PCLO: variants seen among roughly 807,000 people sequenced by gnomAD.
PCLO encodes the protein piccolo presynaptic cytomatrix protein.
A neutral mutation model predicts 427.5 loss-of-function variants in PCLO; 82 were observed. The observed-to-expected ratio is 0.19, with a 90% CI of 0.16 to 0.23. PCLO has a LOEUF of 0.23. Among genes scored for constraint, PCLO ranks in the 10% least tolerant of loss-of-function variants. The pLI, the probability that PCLO is intolerant of heterozygous loss-of-function variation, is 1.00. For missense variants in PCLO, 6,239 were observed against 6,115.9 expected (o/e 1.02, Z -0.67); for synonymous variants, 2,357 against 2,155.4 (o/e 1.09, Z -2.59).
chr7:83,131,383 C>G (rs183531678), intron 3 of PCLO, among the ~76,000 whole-genome samples: 1 of 151,978 alleles, frequency 6.6e-6, no homozygotes, highest in Non-Finnish European at 1.5e-5. Flanking sequence ...ACAACCTTAG[C>G]GACAGGTGTG....
At position 83,134,218 on chromosome 7, in the gene PCLO, A is replaced by AATAT. The variant is rs61658777; in HGVS notation, c.3300+28_3300+31dup. The AATAT allele has an allele frequency of 0.064, 27,376 of 425,986 alleles. 392 individuals carry two copies. Among genetic ancestry groups the AATAT allele is most frequent in the East Asian group, 0.15 (2,010 of 13,740 alleles). 26.4% of individuals were successfully genotyped at this position (425,986 alleles called of 1,614,324 possible). A position where few individuals can be genotyped will look rare whatever the true frequency, so the allele number is the denominator to read the frequency against. On this transcript the variant is annotated intron_variant, in intron 3 of 24. Coordinates refer to ENST00000333891, the MANE Select transcript of PCLO (RefSeq NM_033026.6). The stretch of plus-strand genomic sequence containing the variant: ...AACCCACAGACTCACCTCCATATGT[A>AATAT]ATATATATATATATATATATATATA...
At chr7:82,996,910 T>A (rs116754535) in intron 3 of PCLO, among the ~76,000 whole-genome samples, 1 of 152,066 alleles carries the variant, frequency 6.6e-6, no homozygotes, top group Admixed American at 6.6e-5. Context: ...TTAGTGGACC[T>A]AAAAATTCTA....
intron 7 of PCLO, among the ~76,000 whole-genome samples, chr7:82,909,550 A>G (rs1425148888): frequency 3.9e-5 from 6 of 152,106 alleles, no homozygotes; most frequent in African/African-American, 1.4e-4. Flanking sequence ...AAATTAAAAC[A>G]AAAAGTATTC....
intron 3 of PCLO, among the ~76,000 whole-genome samples, chr7:83,110,354 A>C (rs969466083): frequency 6.6e-6 from 1 of 152,046 alleles, no homozygotes; most frequent in Admixed American, 6.6e-5. Flanking sequence ...AGCTATTAAT[A>C]TGTCAATTTT....
chr7:83,112,034 GT>G (rs11375069), intron 3 of PCLO, among the ~76,000 whole-genome samples: 1 of 151,590 alleles, frequency 6.6e-6, no homozygotes, highest in South Asian at 2.1e-4. Context: ...AAATGTCTGG[GT>G]TTTTTTGTTG....
intron 9 of PCLO, among the ~76,000 whole-genome samples, chr7:82,886,564 C>T (rs1793632794): frequency 6.6e-6 from 1 of 152,010 alleles, no homozygotes; most frequent in Non-Finnish European, 1.5e-5. Flanking sequence ...AAATGAAATC[C>T]AGATGCTAGA....
intron 3 of PCLO, among the ~76,000 whole-genome samples, chr7:83,039,712 C>A (rs1233689153): frequency 2.6e-5 from 4 of 151,992 alleles, no homozygotes; most frequent in African/African-American, 9.7e-5. Context: ...TTTAAGATTG[C>A]CTTGTGCATT....
intron 3 of PCLO, among the ~76,000 whole-genome samples, chr7:82,996,657 G>T (rs1318120304): frequency 6.6e-6 from 1 of 151,960 alleles, no homozygotes; most frequent in African/African-American, 2.4e-5. Context: ...ATTTTCACAT[G>T]GTTTCTTTGC....
intron 6 of PCLO, among the ~76,000 whole-genome samples, chr7:82,938,161 ACAT>A (rs1289014862): frequency 6.6e-6 from 1 of 151,950 alleles, no homozygotes; most frequent in Non-Finnish European, 1.5e-5. Context: ...TTGGAACAAA[ACAT>A]CAGTAAGAAA....
At chr7:82,896,103 C>G (rs538086906) in intron 9 of PCLO, among the ~76,000 whole-genome samples, 1 of 151,914 alleles carries the variant, frequency 6.6e-6, no homozygotes, top group South Asian at 2.1e-4. Context: ...ATGACAAACT[C>G]ACCTTGACTA....
Position 82,757,338 on chromosome 7 carries a change from T to C in PCLO, c.*1237A>G, listed in dbSNP as rs1790339901. The C allele has an allele frequency of 6.6e-6, 1 of 152,032 alleles. No individual in the cohort carries two copies. Among genetic ancestry groups the C allele is most frequent in the South Asian group, 2.1e-4 (1 of 4,828 alleles). 9.4% of individuals were successfully genotyped at this position (152,032 alleles called of 1,614,324 possible). ...TATTATTAAAATAGCTCAAAGTATA[T>C]TTTAATCTCAGGTAAATGTTGACTT... On this transcript the variant is annotated 3_prime_UTR_variant, in exon 25 of 25. Transcript: ENST00000333891.
At chr7:82,934,578 T>C (rs1794909067) in intron 6 of PCLO, among the ~76,000 whole-genome samples, 1 of 151,746 alleles carries the variant, frequency 6.6e-6, no homozygotes, top group Non-Finnish European at 1.5e-5. Flanking sequence ...AATATGAAAC[T>C]GCAGTGTTGA....
At position 82,783,067 on chromosome 7, in the gene PCLO, C is replaced by A. The variant is rs185173070; in HGVS notation, c.15007+18451G>T. ...AGTGTAAAACTAGGCCTCAAAGGAG[C>A]CAGCAACTTCATCCCTTGCCTTATA... On this transcript the variant is annotated intron_variant, in intron 22 of 24. Transcript: ENST00000333891. Among the ~76,000 whole-genome samples the A allele has an allele frequency of 2.1e-3, 317 of 152,310 alleles. 2 individuals are homozygous for A. Among genetic ancestry groups the A allele is most frequent in the Middle Eastern group, 0.01 (3 of 294 alleles).
chr7:83,156,404 A>T lies in PCLO; in HGVS notation c.249-12T>A, dbSNP rs1483427094. 5.7e-4 allele frequency: 121 copies of T among 212,734 alleles called. No homozygotes were observed. Among genetic ancestry groups the T allele is most frequent in the South Asian group, 1.8e-3 (14 of 7,842 alleles). The allele number at this position is 212,734 out of a possible 1,614,324, so 13.2% of individuals were successfully genotyped here. A position where few individuals can be genotyped will look rare whatever the true frequency, so the allele number is the denominator to read the frequency against. On this transcript the variant is annotated splice_polypyrimidine_tract_variant and intron_variant, in intron 1 of 24. Transcript: ENST00000333891. ...CCAACTCTTGTTTCCTAGAAGAGTT[A>T]AAAAAAAAAAAAAAAATCAAGTGAA...
intron 3 of PCLO, among the ~76,000 whole-genome samples, chr7:82,989,695 T>C (rs1219975036): frequency 5.9e-5 from 9 of 152,304 alleles, no homozygotes; most frequent in Non-Finnish European, 1.3e-4. Flanking sequence ...ACCAGATATA[T>C]AATCTCTGTA....
intron 3 of PCLO, among the ~76,000 whole-genome samples, chr7:82,976,011 T>G (rs978176558): frequency 1.3e-5 from 2 of 152,210 alleles, no homozygotes; most frequent in African/African-American, 4.8e-5. Flanking sequence ...CAGTTCTTCA[T>G]AGCAGTGTGA....
At chr7:82,957,977 C>A (rs1795566963) in intron 4 of PCLO, among the ~76,000 whole-genome samples, 1 of 152,130 alleles carries the variant, frequency 6.6e-6, no homozygotes, top group Non-Finnish European at 1.5e-5. Flanking sequence ...AATACAGAGA[C>A]TTGTTGCATA....
At chr7:83,011,559 T>TAAGAAA (rs140267372) in intron 3 of PCLO, among the ~76,000 whole-genome samples, 3,713 of 151,534 alleles carry the variant, frequency 0.025, 154 homozygotes, top group African/African-American at 0.085. Context: ...TCAAGACAAA[T>TAAGAAA]ACATCACAAT....
At chr7:83,070,614 C>T (rs36080879) in intron 3 of PCLO, among the ~76,000 whole-genome samples, 4,441 of 152,242 alleles carry the variant, frequency 0.029, 108 homozygotes, top group Admixed American at 0.065. Flanking sequence ...GTCTCCATCT[C>T]CTGACCTTGT....
Sources: gnomAD v4.1 joint callset for allele counts (sites outside exome capture counted in the v4.1 genomes callset) on GRCh38, gnomAD v4.1.1 for gene constraint, MANE v1.5 for transcripts, NCBI Gene and HGNC (gene_info 2026-07-23, HGNC 2026-07-21) for gene names.